Variants in LSAMP observed in about 807,000 individuals in gnomAD.
LSAMP encodes limbic system associated membrane protein, also known as limbic system-associated membrane protein.
LSAMP carries 7 observed loss-of-function variants against 38.6 expected under a neutral mutation model. The observed-to-expected ratio is 0.18, with a 90% CI of 0.10 to 0.34. LSAMP has a LOEUF of 0.34. LSAMP is among the 10% of genes least tolerant of loss of function. LSAMP has a pLI of 1.00. For missense variants in LSAMP, 313 were observed against 420.0 expected (o/e 0.75, Z 2.23); for synonymous variants, 154 against 166.8 (o/e 0.92, Z 0.59).
In LSAMP at chr3:116,123,371, GAACTT is replaced by G. The variant is rs546229050; in HGVS notation, c.156-36820_156-36816del. Among the ~76,000 whole-genome samples, 295 of 152,298 alleles carry G rather than the reference GAACTT, an allele frequency of 1.9e-3. 2 individuals carry two copies. The highest frequency in any genetic ancestry group is 4.4e-3 in the Admixed American group (67 of 15,296). ...ACAGTTTATCCTCTGCATATATTCT[GAACTT>G]AACTTGTGCTTCTCACAATGCATAT... On this transcript the variant is annotated intron_variant, in intron 1 of 6. Transcript: ENST00000490035.
chr3:116,404,434 C>T (rs569920108), intron 1 of LSAMP, among the ~76,000 whole-genome samples: 5 of 152,188 alleles, frequency 3.3e-5, no homozygotes, highest in Admixed American at 6.5e-5. Context: ...AAGGCACTTC[C>T]TAGTTCCTTG....
intron 3 of LSAMP, among the ~76,000 whole-genome samples, chr3:115,906,950 C>T (rs1937021580): frequency 6.6e-6 from 1 of 152,048 alleles, no homozygotes; most frequent in Non-Finnish European, 1.5e-5. Context: ...TAGATTAAAT[C>T]CAAGAGGTAA....
chr3:115,810,546 T>G, intron 6 of LSAMP, 132 bp from the exon 7 acceptor site: 1 of 697,042 alleles, frequency 1.4e-6, no homozygotes, highest in Non-Finnish European at 2.6e-6. Context: ...TGCACTTATG[T>G]GCAGCCCAAG....
intron 4 of LSAMP, among the ~76,000 whole-genome samples, chr3:115,844,999 C>A (rs1935109564): frequency 6.6e-6 from 1 of 151,956 alleles, no homozygotes; most frequent in African/African-American, 2.4e-5. Context: ...ATGTTGGAAC[C>A]CAAGGCAGGG....
intron 6 of LSAMP, among the ~76,000 whole-genome samples, chr3:115,815,028 G>T (rs1475786003): frequency 1.3e-5 from 2 of 152,152 alleles, no homozygotes; most frequent in African/African-American, 4.8e-5. Context: ...GGGGATTAAA[G>T]CTCAGGCTGG....
chr3:115,849,235 G>T (rs975120236), intron 4 of LSAMP, among the ~76,000 whole-genome samples: 49 of 152,290 alleles, frequency 3.2e-4, no homozygotes, highest in Non-Finnish European at 4.6e-4. Context: ...CTACCACTTA[G>T]AAAACAGATT....
chr3:116,341,935 G>A (rs1200419338), intron 1 of LSAMP, among the ~76,000 whole-genome samples: 1 of 152,038 alleles, frequency 6.6e-6, no homozygotes, highest in African/African-American at 2.4e-5. Flanking sequence ...GATAAGCAAT[G>A]ACTAACAGGG....
chr3:116,006,714 A>C (rs978723311), intron 3 of LSAMP, among the ~76,000 whole-genome samples: 1 of 152,216 alleles, frequency 6.6e-6, no homozygotes, highest in African/African-American at 2.4e-5. Flanking sequence ...TATCACAGAC[A>C]TGACCATAAG....
At chr3:116,135,225 T>C (rs536027381) in intron 1 of LSAMP, among the ~76,000 whole-genome samples, 2 of 152,146 alleles carry the variant, frequency 1.3e-5, no homozygotes, top group Non-Finnish European at 2.9e-5. Flanking sequence ...ATTACAAACA[T>C]CACCATCCAT....
intron 2 of LSAMP, among the ~76,000 whole-genome samples, chr3:116,077,655 T>C (rs1038455192): frequency 3.3e-5 from 5 of 152,250 alleles, no homozygotes; most frequent in African/African-American, 1.2e-4. Flanking sequence ...TGAAAAGTTA[T>C]AAGAATAATA....
At chr3:116,319,320 A>C (rs759922028) in intron 1 of LSAMP, among the ~76,000 whole-genome samples, 1 of 152,168 alleles carries the variant, frequency 6.6e-6, no homozygotes. Context: ...GCTGTGTTGG[A>C]GTGATTAGTT....
In LSAMP at chr3:115,818,336, G is replaced by A. The variant is rs141106283; in HGVS notation, c.920-7922C>T. Among the ~76,000 whole-genome samples the A allele has an allele frequency of 1.1e-3, 166 of 152,188 alleles. 1 individual carries two copies. Among genetic ancestry groups the A allele is most frequent in the African/African-American group, 3.8e-3 (156 of 41,518 alleles). On this transcript the variant is annotated intron_variant, in intron 6 of 6. Transcript: ENST00000490035. Reference sequence around the variant, plus strand: ...AGAGCGATGCTCTTTCCTAAAAGAGGCCTCAATCCTCGATGAGGCCATCTT... The same window carrying A: ...AGAGCGATGCTCTTTCCTAAAAGAGACCTCAATCCTCGATGAGGCCATCTT...
chr3:116,030,330 C>T (rs933242786), intron 2 of LSAMP, among the ~76,000 whole-genome samples: 1 of 152,050 alleles, frequency 6.6e-6, no homozygotes, highest in South Asian at 2.1e-4. Context: ...AGTGGCTGTT[C>T]CCATGGACGG....
chr3:116,238,549 A>G (rs905273619), intron 1 of LSAMP, among the ~76,000 whole-genome samples: 2 of 152,164 alleles, frequency 1.3e-5, no homozygotes, highest in South Asian at 4.1e-4. Context: ...TGTGGCCCCA[A>G]CTTGGGTGCA....
At chr3:115,915,800 T>A (rs1937238508) in intron 3 of LSAMP, among the ~76,000 whole-genome samples, 1 of 152,082 alleles carries the variant, frequency 6.6e-6, no homozygotes, top group South Asian at 2.1e-4. Flanking sequence ...GCCCGGCTAA[T>A]TTTTGTATTT....
At chr3:116,428,055 C>A (rs2049227351) in intron 1 of LSAMP, among the ~76,000 whole-genome samples, 1 of 152,140 alleles carries the variant, frequency 6.6e-6, no homozygotes, top group Admixed American at 6.5e-5. Context: ...CCATCTTTGC[C>A]ATGTATTTCC....
chr3:115,905,371 T>A (rs1485047947), intron 3 of LSAMP, among the ~76,000 whole-genome samples: 1 of 152,064 alleles, frequency 6.6e-6, no homozygotes, highest in Non-Finnish European at 1.5e-5. Flanking sequence ...CATTCTTCAG[T>A]GCACAGACAC....
intron 3 of LSAMP, among the ~76,000 whole-genome samples, chr3:116,008,917 G>A (rs368767299): frequency 6.6e-6 from 1 of 152,036 alleles, no homozygotes; most frequent in Non-Finnish European, 1.5e-5. Context: ...TCAGGGATGG[G>A]ACCCAATATT....
intron 1 of LSAMP, among the ~76,000 whole-genome samples, chr3:116,425,850 GA>G (rs1243972125): frequency 3.5e-5 from 5 of 144,602 alleles, no homozygotes; most frequent in Admixed American, 7.2e-5. Context: ...AAATAGATGG[GA>G]AAAAAACCAT....
Sources: allele counts gnomAD v4.1 joint callset (sites outside exome capture counted in the v4.1 genomes callset), GRCh38; gene constraint gnomAD v4.1.1; transcripts MANE v1.5; gene names NCBI Gene and HGNC (gene_info 2026-07-23, HGNC 2026-07-21).